Variants in PTPRQ observed in about 807,000 individuals in gnomAD.
The protein encoded by PTPRQ is phosphatidylinositol phosphatase PTPRQ.
PTPRQ carries 199 observed loss-of-function variants against 246.0 expected under a neutral mutation model. That is an observed-to-expected ratio of 0.81 (90% CI 0.72 to 0.91). The LOEUF is 0.91. Among genes scored for constraint, PTPRQ ranks in the 40% least tolerant of loss-of-function variants. The pLI is 0.00. For synonymous variants in PTPRQ, 869 were observed against 853.2 expected (o/e 1.02, Z -0.32); for missense variants, 2,624 against 2,528.4 (o/e 1.04, Z -0.81).
intron 14 of PTPRQ, among the ~76,000 whole-genome samples, chr12:80,497,524 T>C (rs1894667007): frequency 6.6e-6 from 1 of 151,964 alleles, no homozygotes. Context: ...TACTAGTCCG[T>C]GGCGCTGGGA....
intron 42 of PTPRQ, among the ~76,000 whole-genome samples, chr12:80,672,216 G>C (rs1488581803): frequency 6.6e-6 from 1 of 151,692 alleles, no homozygotes; most frequent in Non-Finnish European, 1.5e-5. Context: ...CTCTGTAAGT[G>C]CAGGGACTTT....
intron 14 of PTPRQ, among the ~76,000 whole-genome samples, chr12:80,504,810 A>T (rs1418162053): frequency 6.6e-6 from 1 of 151,900 alleles, no homozygotes; most frequent in Non-Finnish European, 1.5e-5. Context: ...ATAATTCCAA[A>T]ACAGCATATT....
intron 26 of PTPRQ, among the ~76,000 whole-genome samples, chr12:80,592,781 G>A (rs116453897): frequency 0.015 from 2,241 of 152,132 alleles, 65 homozygotes; most frequent in African/African-American, 0.051. Flanking sequence ...AGGCTGATGC[G>A]GGCGGATCAT....
intron 34 of PTPRQ, among the ~76,000 whole-genome samples, chr12:80,634,167 C>A (rs1283260728): frequency 6.6e-6 from 1 of 152,062 alleles, no homozygotes; most frequent in Non-Finnish European, 1.5e-5. Flanking sequence ...TGAAATCTTG[C>A]CTCTCAACTA....
At chr12:80,479,442 T>A (rs1161124410) in intron 8 of PTPRQ, among the ~76,000 whole-genome samples, 1 of 151,032 alleles carries the variant, frequency 6.6e-6, no homozygotes, top group Non-Finnish European at 1.5e-5. Context: ...GTAAAGACCA[T>A]CGAGACTAGG....
intron 6 of PTPRQ, among the ~76,000 whole-genome samples, chr12:80,461,777 T>C (rs56011272): frequency 6.6e-6 from 1 of 151,612 alleles, no homozygotes; most frequent in Non-Finnish European, 1.5e-5. Flanking sequence ...TCATTTCATA[T>C]AAGTTTGAAG....
chr12:80,572,804 A>C (rs1897181982), intron 25 of PTPRQ, among the ~76,000 whole-genome samples: 1 of 152,150 alleles, frequency 6.6e-6, no homozygotes, highest in Non-Finnish European at 1.5e-5. Flanking sequence ...GATAAGTTAC[A>C]TGGTTTATTT....
intron 25 of PTPRQ, among the ~76,000 whole-genome samples, chr12:80,567,683 G>A (rs1331835515): frequency 6.6e-6 from 1 of 152,144 alleles, no homozygotes; most frequent in Non-Finnish European, 1.5e-5. Flanking sequence ...ACTATTATTA[G>A]TGTGTCTGTT....
intron 27 of PTPRQ, among the ~76,000 whole-genome samples, chr12:80,605,873 A>G (rs972088757): frequency 1.3e-5 from 2 of 151,088 alleles, no homozygotes; most frequent in African/African-American, 4.8e-5. Context: ...TCTACTGTAT[A>G]ACATAGGCAT....
At chr12:80,510,605 T>C (rs1056599613) in intron 17 of PTPRQ, among the ~76,000 whole-genome samples, 162 bp downstream of exon 17, 7 of 152,172 alleles carry the variant, frequency 4.6e-5, no homozygotes, top group Non-Finnish European at 7.4e-5. Context: ...TTCCATATTA[T>C]GTAGTGGTTC....
At chr12:80,600,594 G>A (rs985334736) in intron 26 of PTPRQ, among the ~76,000 whole-genome samples, 3 of 151,756 alleles carry the variant, frequency 2.0e-5, no homozygotes, top group Non-Finnish European at 4.4e-5. Flanking sequence ...ACGATAATGT[G>A]CCACTCTACT....
intron 17 of PTPRQ, among the ~76,000 whole-genome samples, chr12:80,524,958 G>T (rs1249176272): frequency 6.6e-6 from 1 of 152,128 alleles, no homozygotes; most frequent in Non-Finnish European, 1.5e-5. Flanking sequence ...TCTGAATTTG[G>T]TAACAGCATG....
intron 5 of PTPRQ, among the ~76,000 whole-genome samples, chr12:80,460,260 A>G (rs1258371030): frequency 2.0e-5 from 3 of 152,192 alleles, no homozygotes; most frequent in South Asian, 2.1e-4. Context: ...ACTACTTTTT[A>G]GTACTTATGA....
intron 10 of PTPRQ, among the ~76,000 whole-genome samples, chr12:80,494,081 C>A (rs911476289): frequency 1.4e-4 from 21 of 151,846 alleles, no homozygotes; most frequent in Non-Finnish European, 1.5e-5. Context: ...TGGTACTTGT[C>A]CCATTCAAAA....
At position 80,495,079 on chromosome 12, in the gene PTPRQ, A is replaced by G. The variant is rs1426562430; in HGVS notation, c.1687A>G (p.Arg563Gly). Residue 563 changes from arginine to glycine, a missense_variant, in exon 11 of 45, where the codon AGG becomes GGG. Coordinates refer to ENST00000644991, the MANE Select transcript of PTPRQ (RefSeq NM_001145026.2). Reference protein sequence around the residue: ...GEGPPTVLSVRTRQQVPSSIK... With the variant: ...GEGPPTVLSVGTRQQVPSSIK... Reference sequence around the variant, plus strand: ...AGGACCACCAACAGTTCTCAGTGTTAGGACACGTCAGCAAGGTAAGGATGT... The same window carrying G: ...AGGACCACCAACAGTTCTCAGTGTTGGGACACGTCAGCAAGGTAAGGATGT... The G allele has an allele frequency of 1.3e-6, 2 of 1,550,524 alleles. No individual in the cohort carries two copies. Among genetic ancestry groups the G allele is most frequent in the East Asian group, 2.4e-5 (1 of 40,834 alleles).
At chr12:80,617,483 AAAG>A in intron 30 of PTPRQ, among the ~76,000 whole-genome samples, 1 of 151,476 alleles carries the variant, frequency 6.6e-6, no homozygotes. Flanking sequence ...ATGACTTCAC[AAAG>A]AATAGTATGA....
At chr12:80,481,882 A>T (rs1894074868) in intron 8 of PTPRQ, among the ~76,000 whole-genome samples, 1 of 151,724 alleles carries the variant, frequency 6.6e-6, no homozygotes, top group Non-Finnish European at 1.5e-5. Flanking sequence ...AAGAGGATAC[A>T]AACAAATGGA....
chr12:80,587,906 A>G (rs1158374124), intron 25 of PTPRQ, among the ~76,000 whole-genome samples: 3 of 152,154 alleles, frequency 2.0e-5, no homozygotes, highest in Non-Finnish European at 2.9e-5. Flanking sequence ...CAAAATCAAG[A>G]ATTAATAAAT....
chr12:80,630,569 T>C (rs1479342623), intron 33 of PTPRQ, among the ~76,000 whole-genome samples: 1 of 152,186 alleles, frequency 6.6e-6, no homozygotes, highest in Non-Finnish European at 1.5e-5. Flanking sequence ...AAGTTGGTTT[T>C]GACCACTTAT....
Sources: gnomAD v4.1 joint callset for allele counts (sites outside exome capture counted in the v4.1 genomes callset) on GRCh38, gnomAD v4.1.1 for gene constraint, MANE v1.5 for transcripts, NCBI Gene and HGNC (gene_info 2026-07-23, HGNC 2026-07-21) for gene names.